Variants in TRAF2 observed in about 807,000 individuals in gnomAD.
TRAF2 encodes TNF receptor-associated factor 2.
A neutral mutation model predicts 55.6 loss-of-function variants in TRAF2; 6 were observed. The ratio of observed to expected loss-of-function variants is 0.11; its 90% CI spans 0.06 to 0.21. TRAF2 has a LOEUF of 0.21. Ranked by LOEUF, TRAF2 falls within the 10% of genes least tolerant of loss-of-function variation. TRAF2 has a pLI of 1.00. For synonymous variants in TRAF2, 329 were observed against 276.3 expected (o/e 1.19, Z -1.89); for missense variants, 561 against 684.5 (o/e 0.82, Z 2.01).
intron 1 of TRAF2, among the ~76,000 whole-genome samples, chr9:136,893,385 T>G (rs538318395): frequency 2.6e-5 from 4 of 152,184 alleles, no homozygotes; most frequent in Non-Finnish European, 5.9e-5. Context: ...ACTGCTGGCT[T>G]TGGGGGGCAG....
chr9:136,899,043 G>C, intron 2 of TRAF2, 115 bp downstream of exon 2: 1 of 1,000,246 alleles, frequency 1.0e-6, no homozygotes, highest in Non-Finnish European at 1.4e-6. Flanking sequence ...ATGTGCTCCA[G>C]TTATCGATAC....
At chr9:136,903,526 A>G (rs1401868414) in intron 4 of TRAF2, among the ~76,000 whole-genome samples, 1 of 124,636 alleles carries the variant, frequency 8.0e-6, no homozygotes, top group East Asian at 2.5e-4. Context: ...TTCTGGCTGA[A>G]TAAATATTGA....
intron 6 of TRAF2, 149 bp from the exon 7 acceptor site, chr9:136,916,392 A>G: frequency 2.8e-6 from 2 of 716,644 alleles, no homozygotes; most frequent in Non-Finnish European, 5.0e-6. Flanking sequence ...TCGCTTTGGA[A>G]ATGGGCTGTT....
intron 4 of TRAF2, among the ~76,000 whole-genome samples, chr9:136,901,210 G>A (rs1247175402): frequency 6.6e-6 from 1 of 152,188 alleles, no homozygotes; most frequent in African/African-American, 2.4e-5. Flanking sequence ...GCCAGGAGGT[G>A]CCGAGAGAGC....
chr9:136,913,418 G>T (rs187681776), intron 6 of TRAF2, among the ~76,000 whole-genome samples: 2 of 143,680 alleles, frequency 1.4e-5, no homozygotes, highest in Non-Finnish European at 1.5e-5. Flanking sequence ...CTGCCTCAGC[G>T]TCCCTAGTAG....
At chr9:136,907,975 A>G (rs1849995841) in intron 4 of TRAF2, 95 bp from the exon 5 acceptor site, 12 of 1,489,138 alleles carry the variant, frequency 8.1e-6, no homozygotes, top group Non-Finnish European at 1.1e-5. Flanking sequence ...GCGGACACCA[A>G]GCCAGCGCTA....
chr9:136,895,717 C>G (rs551579159), intron 1 of TRAF2, among the ~76,000 whole-genome samples: 3 of 152,150 alleles, frequency 2.0e-5, no homozygotes, highest in African/African-American at 7.2e-5. Context: ...CCTGTGGTGG[C>G]GGGTACCTGT....
At position 136,899,300 on chromosome 9, in the gene TRAF2, T is replaced by TGCACATCG. The variant is rs1210387913; in HGVS notation, c.189-290_189-283dup. Among the ~76,000 whole-genome samples the TGCACATCG allele has an allele frequency of 4.6e-5, 7 of 152,358 alleles. No individual in the cohort carries two copies. The East Asian group carries it at 9.6e-4, about 21-fold the overall frequency. On this transcript the variant is annotated intron_variant, in intron 2 of 10. Coordinates refer to ENST00000247668, the MANE Select transcript of TRAF2 (RefSeq NM_021138.4). ...CGAGTGGTCTGAGAGGTGTGGCCTGTGCACATCGGCAGCAGCTCGGCCTGT... is the reference window on the plus strand; with the variant it reads ...CGAGTGGTCTGAGAGGTGTGGCCTGTGCACATCGGCACATCGGCAGCAGCTCGGCCTGT...
At chr9:136,882,296 C>A (rs917991045), upstream of TRAF2, among the ~76,000 whole-genome samples, 1 of 152,240 alleles carries the variant, frequency 6.6e-6, no homozygotes, top group African/African-American at 2.4e-5. Flanking sequence ...CAGAGCCCTG[C>A]TGGGCACAGG....
Position 136,926,063 on chromosome 9 carries a change from A to AG in TRAF2, c.*164dup. 1.2e-6 allele frequency: 1 copy of AG among 865,010 alleles called. No homozygotes were observed. Among genetic ancestry groups the AG allele is most frequent in the African/African-American group, 1.6e-5 (1 of 60,958 alleles). 53.6% of individuals were successfully genotyped at this position (865,010 alleles called of 1,614,324 possible). The stretch of plus-strand genomic sequence containing the variant: ...CAGCCAAGTTCACTGTCACGGGGGA[A>AG]GGAGCCACCAGCCAGTCCTCAGATT... On this transcript the variant is annotated 3_prime_UTR_variant, in exon 11 of 11. Coordinates refer to ENST00000247668, the MANE Select transcript of TRAF2 (RefSeq NM_021138.4).
intron 6 of TRAF2, among the ~76,000 whole-genome samples, chr9:136,915,792 GT>G (rs1432616249): frequency 6.6e-6 from 1 of 152,146 alleles, no homozygotes; most frequent in Admixed American, 6.5e-5. Flanking sequence ...AGTGTTTTTG[GT>G]TTTTGTTTGT....
chr9:136,900,624 G>A (rs1849798246), intron 4 of TRAF2, 104 bp downstream of exon 4: 1 of 903,380 alleles, frequency 1.1e-6, no homozygotes. Context: ...CCTCTCACTG[G>A]GGCTGAAGCC....
chr9:136,894,336 C>T (rs776144720), intron 1 of TRAF2, among the ~76,000 whole-genome samples: 1 of 152,204 alleles, frequency 6.6e-6, no homozygotes, highest in Non-Finnish European at 1.5e-5. Flanking sequence ...TGAGCCACCG[C>T]ACCTGGCTGG....
Position 136,916,588 on chromosome 9 carries a change from A to G in TRAF2, c.651A>G (p.Arg217=), listed in dbSNP as rs145511794. ...KTCGKCRVPC[R]FHAIGCLETV... ...GTGGCAAGTGTCGAGTCCCTTGCAGATTCCACGCCATCGGCTGCCTCGAGA... is the reference window on the plus strand; with the variant it reads ...GTGGCAAGTGTCGAGTCCCTTGCAGGTTCCACGCCATCGGCTGCCTCGAGA... Residue 217 remains arginine, a synonymous_variant, in exon 7 of 11, where the codon AGA becomes AGG. Transcript: ENST00000247668. 3.1e-6 allele frequency: 5 copies of G among 1,614,014 alleles called. No individual in the cohort carries two copies. Among genetic ancestry groups the G allele is most frequent in the Non-Finnish European group, 3.4e-6 (4 of 1,179,974 alleles).
At position 136,920,306 on chromosome 9, in the gene TRAF2, G is replaced by A. The variant is rs779694447; in HGVS notation, c.751G>A (p.Val251Met). ...REHLAMLLSSVLEAKPLLGDQ... is the reference protein window; with the variant it reads ...REHLAMLLSSMLEAKPLLGDQ... Reference sequence around the variant, plus strand: ...GCACCTGGCCATGCTACTGAGCTCGGTGCTGGAGGCAAAGCCCCTCTTGGG... The same window carrying A: ...GCACCTGGCCATGCTACTGAGCTCGATGCTGGAGGCAAAGCCCCTCTTGGG... Residue 251 changes from valine to methionine, a missense_variant, in exon 8 of 11, where the codon GTG becomes ATG. Physicochemically the swap from Val to Met is conservative, Grantham distance 21. This residue lies in a region of TRAF2 where 426 missense variants were observed against 476.8 expected (regional missense o/e 0.89). Transcript: ENST00000247668. The A allele has an allele frequency of 5.6e-6, 9 of 1,613,822 alleles. No individual in the cohort carries two copies. In the East Asian group the frequency reaches 1.8e-4, roughly 32 times the overall value.
intron 1 of TRAF2, among the ~76,000 whole-genome samples, chr9:136,897,034 C>T (rs1849695894): frequency 1.3e-5 from 2 of 152,220 alleles, no homozygotes; most frequent in African/African-American, 2.4e-5. Context: ...CTGTCCTCAA[C>T]ATCAGCCCAA....
At chr9:136,889,225 T>TG (rs1849523738) in intron 1 of TRAF2, among the ~76,000 whole-genome samples, 1 of 150,742 alleles carries the variant, frequency 6.6e-6, no homozygotes, top group Non-Finnish European at 1.5e-5. Flanking sequence ...TTCTGTTTTT[T>TG]TTTTTTTTTT....
chr9:136,917,570 A>C (rs1243767819), intron 7 of TRAF2, among the ~76,000 whole-genome samples: 1 of 152,182 alleles, frequency 6.6e-6, no homozygotes, highest in African/African-American at 2.4e-5. Flanking sequence ...TGATGGATGG[A>C]GAGGGGCAGG....
chr9:136,916,772 G>C (rs1413463851), intron 7 of TRAF2, 157 bp downstream of exon 7: 5 of 718,622 alleles, frequency 7.0e-6, no homozygotes. Flanking sequence ...TTCCCAGCTT[G>C]GTCTCTGGGC....
Sources: allele counts gnomAD v4.1 joint callset (sites outside exome capture counted in the v4.1 genomes callset), GRCh38; gene constraint gnomAD v4.1.1; regional missense constraint gnomAD v4.1.1; transcripts MANE v1.5; gene names NCBI Gene and HGNC (gene_info 2026-07-23, HGNC 2026-07-21).